ROBO1: variants seen among roughly 807,000 people sequenced by gnomAD.
The protein encoded by ROBO1 is roundabout homolog 1.
In ROBO1, 149 loss-of-function variants were observed where a neutral mutation model predicts 195.9. The observed-to-expected ratio is 0.76, with a 90% CI of 0.67 to 0.87. The LOEUF (loss-of-function observed/expected upper bound fraction) is 0.87, where lower values mean the gene tolerates loss of function less well. Among genes scored for constraint, ROBO1 ranks in the 40% least tolerant of loss-of-function variants. ROBO1 has a pLI of 0.00. For missense variants in ROBO1, 1,933 were observed against 2,068.3 expected, an observed-to-expected ratio of 0.93 and a Z score of 1.27; for synonymous variants, 816 against 733.2, an observed-to-expected ratio of 1.11 and a Z score of -1.82.
At chr3:79,489,767 G>A (rs555014816) in intron 2 of ROBO1, among the ~76,000 whole-genome samples, 2 of 152,102 alleles carry the variant, frequency 1.3e-5, no homozygotes, top group East Asian at 3.9e-4. Context: ...GTTTCTTTAG[G>A]TTACTTGTAG....
intron 26 of ROBO1, among the ~76,000 whole-genome samples, chr3:78,622,030 T>G (rs934018285): frequency 2.6e-5 from 4 of 152,208 alleles, no homozygotes; most frequent in Non-Finnish European, 5.9e-5. Flanking sequence ...TTTTTACTTT[T>G]CTAGAGACTT....
intron 2 of ROBO1, among the ~76,000 whole-genome samples, chr3:79,173,747 C>T (rs978935212): frequency 6.6e-6 from 1 of 152,130 alleles, no homozygotes; most frequent in African/African-American, 2.4e-5. Flanking sequence ...CACCTGTGGC[C>T]CCAGTGCGGG....
chr3:79,333,019 C>T (rs997473654), intron 2 of ROBO1, among the ~76,000 whole-genome samples: 6 of 151,902 alleles, frequency 3.9e-5, no homozygotes, highest in South Asian at 4.2e-4. Context: ...CCGACCAATA[C>T]GGCGAAACCC....
At chr3:79,450,631 ATTGT>A (rs1287579306) in intron 2 of ROBO1, among the ~76,000 whole-genome samples, 2 of 152,012 alleles carry the variant, frequency 1.3e-5, no homozygotes, top group Non-Finnish European at 2.9e-5. Flanking sequence ...TTTCATATTG[ATTGT>A]TTCTGTTATG....
At chr3:78,883,933 T>TG (rs2036340887) in intron 4 of ROBO1, among the ~76,000 whole-genome samples, 1 of 152,034 alleles carries the variant, frequency 6.6e-6, no homozygotes, top group Non-Finnish European at 1.5e-5. Context: ...AAAGCTAGGA[T>TG]GGGGGATTAT....
intron 2 of ROBO1, among the ~76,000 whole-genome samples, chr3:79,298,310 G>A (rs185328029): frequency 6.6e-6 from 1 of 151,970 alleles, no homozygotes; most frequent in East Asian, 1.9e-4. Flanking sequence ...CCTCCTCCAC[G>A]TAGCTCATTG....
At chr3:79,547,876 T>C in intron 2 of ROBO1, among the ~76,000 whole-genome samples, 1 of 152,178 alleles carries the variant, frequency 6.6e-6, no homozygotes. Context: ...AGTGGAATAA[T>C]AATTAATATG....
At chr3:78,763,383 A>G (rs1013280091) in intron 4 of ROBO1, among the ~76,000 whole-genome samples, 11 of 152,192 alleles carry the variant, frequency 7.2e-5, no homozygotes, top group Non-Finnish European at 1.3e-4. Flanking sequence ...TAATCCATGA[A>G]TGCTGCCTCC....
At chr3:78,922,317 A>G (rs2038980204) in intron 4 of ROBO1, among the ~76,000 whole-genome samples, 1 of 151,922 alleles carries the variant, frequency 6.6e-6, no homozygotes, top group South Asian at 2.2e-4. Flanking sequence ...AACAGGCTTC[A>G]TTTCTGCCAA....
chr3:79,401,763 C>A (rs565617070), intron 2 of ROBO1, among the ~76,000 whole-genome samples: 24 of 151,734 alleles, frequency 1.6e-4, no homozygotes, highest in African/African-American at 5.5e-4. Context: ...CAATAAAAAT[C>A]AAAGAATCTT....
chr3:79,494,274 A>G (rs1284455782), intron 2 of ROBO1, among the ~76,000 whole-genome samples: 2 of 152,196 alleles, frequency 1.3e-5, no homozygotes, highest in African/African-American at 4.8e-5. Context: ...GACTTATAGA[A>G]GAAACCTGTA....
chr3:79,728,133 T>C (rs1011577340), intron 1 of ROBO1, among the ~76,000 whole-genome samples: 8 of 898 alleles, frequency 8.9e-3, no homozygotes, highest in Non-Finnish European at 0.018. Context: ...TATTTAGATA[T>C]ATCCCCCCCC....
At chr3:78,711,254 GCTCT>G (rs777526761) in intron 8 of ROBO1, among the ~76,000 whole-genome samples, 10 of 151,084 alleles carry the variant, frequency 6.6e-5, no homozygotes, top group East Asian at 3.9e-4. Flanking sequence ...ATGTCCCTGT[GCTCT>G]CTCTCTTTCT....
At chr3:78,704,743 G>T (rs1211964112) in intron 8 of ROBO1, among the ~76,000 whole-genome samples, 1 of 151,706 alleles carries the variant, frequency 6.6e-6, no homozygotes, top group Non-Finnish European at 1.5e-5. Flanking sequence ...TTGGGAGGCT[G>T]AAGGGAGAGG....
At chr3:78,940,991 A>G (rs558055178) in intron 3 of ROBO1, among the ~76,000 whole-genome samples, 2 of 152,348 alleles carry the variant, frequency 1.3e-5, no homozygotes, top group Non-Finnish European at 2.9e-5. Flanking sequence ...TTTCAAAGTT[A>G]TAACTAATAC....
intron 4 of ROBO1, among the ~76,000 whole-genome samples, chr3:78,898,474 G>A (rs545735391): frequency 2.9e-5 from 4 of 135,758 alleles, no homozygotes; most frequent in East Asian, 4.8e-4. Flanking sequence ...TGCAACCTCC[G>A]TCTCCTGGGT....
chr3:79,643,149 C>T (rs1242839309), intron 1 of ROBO1, among the ~76,000 whole-genome samples: 1 of 152,092 alleles, frequency 6.6e-6, no homozygotes, highest in Non-Finnish European at 1.5e-5. Context: ...TTCTGGCTTT[C>T]ATCTTTTTCT....
intron 21 of ROBO1, among the ~76,000 whole-genome samples, chr3:78,641,887 A>G (rs1373063472): frequency 3.3e-5 from 5 of 152,268 alleles, no homozygotes; most frequent in African/African-American, 9.6e-5. Context: ...TGACTTATCG[A>G]TTTACATCCT....
At chr3:79,002,146 T>C (rs900744655) in intron 3 of ROBO1, among the ~76,000 whole-genome samples, 1 of 152,070 alleles carries the variant, frequency 6.6e-6, no homozygotes, top group Non-Finnish European at 1.5e-5. Context: ...CCTGATAAAC[T>C]GACCATGAGC....
Sources: allele counts gnomAD v4.1 joint callset (sites outside exome capture counted in the v4.1 genomes callset), GRCh38; gene constraint gnomAD v4.1.1; transcripts MANE v1.5; gene names NCBI Gene and HGNC (gene_info 2026-07-23, HGNC 2026-07-21).